The following RFPL1 variants were observed in gnomAD, a reference collection of about 807,000 sequenced individuals.
RFPL1 encodes the protein ret finger protein like 1.
Under a neutral mutation model 9.6 loss-of-function variants are expected in RFPL1, and 6 were observed. The observed-to-expected ratio is 0.62, with a 90% confidence interval of 0.34 to 1.23. The LOEUF (loss-of-function observed/expected upper bound fraction) is 1.23. RFPL1 is among the 50% of genes most tolerant of loss of function. The probability of loss-of-function intolerance (pLI) is 0.03; values close to 1 mark genes in which losing one functional copy is unlikely to be tolerated. For missense variants in RFPL1, 352 were observed against 398.4 expected, an observed-to-expected ratio of 0.88 and a Z score of 0.99; for synonymous variants, 145 against 149.4, an observed-to-expected ratio of 0.97 and a Z score of 0.22.
chr22:29,415,353 C>T, the RFPL1 span, among the ~76,000 whole-genome samples: 4 of 152,256 alleles, frequency 2.6e-5, no homozygotes, highest in East Asian at 5.8e-4. Flanking sequence ...CCAGTCCTAC[C>T]GTATTCCAGA....
upstream of RFPL1, chr22:29,438,049 T>C (rs2062817198): frequency 4.3e-6 from 1 of 232,504 alleles, no homozygotes; most frequent in Admixed American, 6.2e-5. Flanking sequence ...AATTTTTCTA[T>C]TATTTGTAGA....
the RFPL1 span, among the ~76,000 whole-genome samples, chr22:29,415,289 C>T: frequency 6.6e-6 from 1 of 152,178 alleles, no homozygotes; most frequent in Non-Finnish European, 1.5e-5. Flanking sequence ...TAAAGGCATG[C>T]CGTGGGTGAT....
the RFPL1 span, among the ~76,000 whole-genome samples, chr22:29,410,391 T>TCTAC: frequency 1.3e-5 from 1 of 77,174 alleles, no homozygotes; most frequent in Non-Finnish European, 2.3e-5. Flanking sequence ...TAGATATATA[T>TCTAC]ATTGTAGATA....
At chr22:29,401,782 T>A in the RFPL1 span, among the ~76,000 whole-genome samples, 1 of 152,162 alleles carries the variant, frequency 6.6e-6, no homozygotes, top group South Asian at 2.1e-4. Flanking sequence ...CCCTGTGTGG[T>A]TCAGTGACTC....
the RFPL1 span, among the ~76,000 whole-genome samples, chr22:29,413,152 A>T: frequency 6.6e-6 from 1 of 151,366 alleles, no homozygotes; most frequent in African/African-American, 2.4e-5. Context: ...GAGCTGTCCC[A>T]TCTAGTGTGG....
At chr22:29,424,529 T>A in the RFPL1 span, among the ~76,000 whole-genome samples, 4 of 152,012 alleles carry the variant, frequency 2.6e-5, no homozygotes, top group Non-Finnish European at 4.4e-5. Flanking sequence ...AAATGGCTTG[T>A]AAGTGGCTGG....
At chr22:29,435,228 C>T (rs111592896), upstream of RFPL1, among the ~76,000 whole-genome samples, 2 of 152,182 alleles carry the variant, frequency 1.3e-5, no homozygotes, top group African/African-American at 2.4e-5. Flanking sequence ...CGTGTCCCTC[C>T]CACACCTGTC....
chr22:29,437,567 G>C (rs2062814403), upstream of RFPL1: 2 of 1,528,772 alleles, frequency 1.3e-6, no homozygotes, highest in South Asian at 2.3e-5. Context: ...CTAATTCCCT[G>C]TTATAATTAA....
At chr22:29,391,184 T>A in the RFPL1 span, among the ~76,000 whole-genome samples, 1 of 151,624 alleles carries the variant, frequency 6.6e-6, no homozygotes, top group Non-Finnish European at 1.5e-5. Flanking sequence ...ACAAATGGAA[T>A]TTTTTTTTCT....
the RFPL1 span, among the ~76,000 whole-genome samples, chr22:29,411,445 A>T: frequency 6.6e-6 from 1 of 152,234 alleles, no homozygotes; most frequent in Non-Finnish European, 1.5e-5. Context: ...GCTATGTAGA[A>T]CAAGTGCTTT....
the RFPL1 span, chr22:29,419,240 C>T: frequency 1.3e-6 from 2 of 1,514,420 alleles, no homozygotes; most frequent in East Asian, 4.5e-5. Context: ...TTGAGCTCTG[C>T]CTTCAGCTCG....
At chr22:29,408,779 AGTGT>A in the RFPL1 span, among the ~76,000 whole-genome samples, 1 of 152,304 alleles carries the variant, frequency 6.6e-6, no homozygotes, top group African/African-American at 2.4e-5. Context: ...TTTGGTAGTG[AGTGT>A]ATTTCTCAGT....
chr22:29,409,339 G>A, the RFPL1 span, among the ~76,000 whole-genome samples: 1 of 152,098 alleles, frequency 6.6e-6, no homozygotes, highest in Non-Finnish European at 1.5e-5. Flanking sequence ...GGTTCTTAAG[G>A]TGACTATTTC....
chr22:29,421,127 C>A, the RFPL1 span, among the ~76,000 whole-genome samples: 3 of 152,152 alleles, frequency 2.0e-5, no homozygotes, highest in Non-Finnish European at 4.4e-5. Flanking sequence ...TCTGCTAGCT[C>A]CAAAGCCCAT....
At chr22:29,396,505 A>T in the RFPL1 span, among the ~76,000 whole-genome samples, 1 of 152,362 alleles carries the variant, frequency 6.6e-6, no homozygotes, top group East Asian at 1.9e-4. Context: ...TTAAAGCAGC[A>T]CAAGACAGAC....
the RFPL1 span, among the ~76,000 whole-genome samples, chr22:29,406,121 AAAAAAAAAAAAAAAAAAAAAAAAAAT>A: frequency 2.6e-4 from 10 of 38,720 alleles, no homozygotes; most frequent in East Asian, 5.2e-3. Context: ...TTCTCAAAAA[AAAAAAAAAAAAAAAAAAAAAAAAAAT>A]AAAAAAAAAG....
the RFPL1 span, among the ~76,000 whole-genome samples, chr22:29,399,219 G>T: frequency 6.6e-6 from 1 of 151,036 alleles, no homozygotes. Flanking sequence ...GTCATAGAAG[G>T]ATAGTGTTTT....
rs371767224 is a variant in RFPL1, at chr22:29,438,975, A to G, written c.184A>G (p.Lys62Glu). 4.6e-5 allele frequency: 74 copies of G among 1,613,804 alleles called. No individual in the cohort carries two copies. The highest frequency in any genetic ancestry group is 6.2e-5 in the Non-Finnish European group (73 of 1,179,884). The stretch of plus-strand genomic sequence containing the variant: ...GGAGTGTGGATGCGCTGTCTGCTTC[A>G]AGTGCATCAATTCACTGCAGAAGGA... The change falls in exon 1 of 2, where the codon AAG becomes GAG. Residue 62 changes from lysine to glutamate, a missense_variant. Coordinates refer to ENST00000354373, the Ensembl canonical transcript of RFPL1.
the RFPL1 span, among the ~76,000 whole-genome samples, chr22:29,390,205 T>A: frequency 6.6e-6 from 1 of 152,232 alleles, no homozygotes; most frequent in Non-Finnish European, 1.5e-5. Context: ...ATGGTACTGC[T>A]AATCTCAAAA....
Sources: allele counts gnomAD v4.1 joint callset (sites outside exome capture counted in the v4.1 genomes callset), GRCh38; gene constraint gnomAD v4.1.1; transcripts MANE v1.5; gene names NCBI Gene and HGNC (gene_info 2026-07-23, HGNC 2026-07-21).